Variants in PCDHA5 observed in about 807,000 individuals in gnomAD.
PCDHA5 encodes protocadherin alpha-5.
A neutral mutation model predicts 61.6 loss-of-function variants in PCDHA5; 43 were observed. The observed-to-expected ratio is 0.70, with a 90% CI of 0.55 to 0.90. The LOEUF (loss-of-function observed/expected upper bound fraction) is 0.90. Ranked by LOEUF, PCDHA5 falls within the 40% of genes least tolerant of loss-of-function variation. PCDHA5 has a pLI of 0.00. For missense variants in PCDHA5, 1,298 were observed against 1,222.7 expected, an observed-to-expected ratio of 1.06 and a Z score of -0.92; for synonymous variants, 627 against 543.9, an observed-to-expected ratio of 1.15 and a Z score of -2.13.
rs75040653 is a variant in PCDHA5 at position 140,982,339 on chromosome 5, T to G, written c.2412-136T>G. ...TGCAGGGTGACTGCTCAGCAGTAAT[T>G]GCTTCAGTTCAAGCATGAGCAGAAT... On this transcript the variant is annotated intron_variant, in intron 2 of 3. Transcript: ENST00000529859. The G allele has an allele frequency of 3.1e-3, 4,547 of 1,456,350 alleles. 58 individuals carry two copies. The East Asian group carries it at 0.042, about 14-fold the overall frequency. The allele number at this position is 1,456,350 out of a possible 1,614,324, so 90.2% of individuals were successfully genotyped here.
At chr5:140,979,109 G>A (rs979649515) in intron 2 of PCDHA5, 102 bp downstream of exon 2, 1 of 1,524,682 alleles carries the variant, frequency 6.6e-7, no homozygotes, top group Admixed American at 2.3e-5. Context: ...AAACTAAAAA[G>A]CTTTAGGTAC....
At chr5:140,829,598 G>C (rs782543757) in intron 1 of PCDHA5, 5 of 1,611,978 alleles carry the variant, frequency 3.1e-6, no homozygotes, top group Non-Finnish European at 4.2e-6. Context: ...GGGCGAGCGC[G>C]CGTTGTCGAG....
intron 1 of PCDHA5, among the ~76,000 whole-genome samples, chr5:140,918,094 T>C (rs1001602407): frequency 1.3e-5 from 2 of 152,188 alleles, no homozygotes; most frequent in East Asian, 1.9e-4. Context: ...ATTCTTTTTA[T>C]AGAGATCTTT....
At chr5:140,967,362 C>A (rs1385889243) in intron 1 of PCDHA5, 2 of 1,607,452 alleles carry the variant, frequency 1.2e-6, no homozygotes, top group East Asian at 2.2e-5. Flanking sequence ...GACCTTAAGC[C>A]CCTGCAGGAG....
chr5:140,835,773 G>T (rs2150244448), intron 1 of PCDHA5: 8 of 1,613,392 alleles, frequency 5.0e-6, no homozygotes, highest in Non-Finnish European at 6.8e-6. Context: ...TACGGTGTTC[G>T]TGAAGGAGAA....
chr5:140,841,134 G>T, intron 1 of PCDHA5: 1 of 689,850 alleles, frequency 1.4e-6, no homozygotes. Flanking sequence ...ACCTTTTGAA[G>T]CCACATGATG....
At chr5:140,877,317 G>A (rs535177109) in intron 1 of PCDHA5, 1 of 1,613,886 alleles carries the variant, frequency 6.2e-7, no homozygotes. Context: ...AACCGGCGGC[G>A]GTCGGCGCGC....
intron 3 of PCDHA5, among the ~76,000 whole-genome samples, chr5:140,991,146 G>A (rs2097434554): frequency 6.6e-6 from 1 of 151,978 alleles, no homozygotes; most frequent in African/African-American, 2.4e-5. Context: ...AATGTTTTTT[G>A]CTCACCATTG....
intron 1 of PCDHA5, chr5:140,928,062 C>G: frequency 6.2e-7 from 1 of 1,614,194 alleles, no homozygotes; most frequent in Non-Finnish European, 8.5e-7. Context: ...TGACGGCTTC[C>G]TTTGACAACT....
At chr5:140,890,688 T>C (rs570229410) in intron 1 of PCDHA5, among the ~76,000 whole-genome samples, 4 of 152,334 alleles carry the variant, frequency 2.6e-5, no homozygotes, top group Admixed American at 2.6e-4. Flanking sequence ...TTCTGGGAAA[T>C]GCAGGGACCT....
chr5:140,906,303 A>G (rs1195275228), intron 1 of PCDHA5, among the ~76,000 whole-genome samples: 5 of 152,220 alleles, frequency 3.3e-5, no homozygotes, highest in Non-Finnish European at 7.3e-5. Flanking sequence ...ATAAGGTCAT[A>G]ATTATTCCCA....
chr5:140,860,479 C>T (rs1348082358), intron 1 of PCDHA5: 1 of 152,030 alleles, frequency 6.6e-6, no homozygotes, highest in Non-Finnish European at 1.5e-5. Context: ...TGCAGTAGTA[C>T]TTTATTTAGG....
intron 1 of PCDHA5, among the ~76,000 whole-genome samples, chr5:140,827,481 A>G (rs2150147833): frequency 1.8e-4 from 28 of 152,370 alleles, no homozygotes; most frequent in African/African-American, 6.5e-4. Flanking sequence ...TTGAACAAAG[A>G]AAGCATGGAC....
At chr5:140,996,755 C>T (rs1335663800) in intron 3 of PCDHA5, among the ~76,000 whole-genome samples, 2 of 152,142 alleles carry the variant, frequency 1.3e-5, no homozygotes, top group Non-Finnish European at 2.9e-5. Context: ...TATATCTGTG[C>T]AGGACTAAAA....
intron 1 of PCDHA5, among the ~76,000 whole-genome samples, chr5:140,924,224 T>A (rs1266072324): frequency 6.6e-6 from 1 of 152,220 alleles, no homozygotes; most frequent in Non-Finnish European, 1.5e-5. Context: ...TAAGTTCAAT[T>A]TTTATGGGCT....
intron 1 of PCDHA5, chr5:140,884,170 G>A (rs1333457358): frequency 1.4e-5 from 23 of 1,613,294 alleles, no homozygotes; most frequent in Non-Finnish European, 1.9e-5. Flanking sequence ...TCAGCACGAC[G>A]CGCCCTCTGG....
chr5:140,961,385 T>G (rs1480607533), intron 1 of PCDHA5, among the ~76,000 whole-genome samples: 3 of 152,204 alleles, frequency 2.0e-5, no homozygotes, highest in Non-Finnish European at 4.4e-5. Flanking sequence ...GTTTGAACTA[T>G]TCCATTAGTA....
rs185481644 is a variant in PCDHA5, at chr5:140,906,049, T to C, written c.2353-72900T>C. 1.7e-3 allele frequency among the ~76,000 whole-genome samples: 263 copies of C among 152,304 alleles called. 2 individuals are homozygous for C. Among genetic ancestry groups the C allele is most frequent in the African/African-American group, 5.9e-3 (247 of 41,562 alleles). ...TTCTTCTGTCTGCTTTTATTCTGGC[T>C]GCACTGGCAGCTGATTAGATCGCAC... On this transcript the variant is annotated intron_variant, in intron 1 of 3. Transcript: ENST00000529859.
chr5:140,859,790 A>C (rs1023981970), intron 1 of PCDHA5: 1 of 152,502 alleles, frequency 6.6e-6, no homozygotes, highest in Non-Finnish European at 1.5e-5. Context: ...AGCTCTTAGA[A>C]ATTATAGATG....
Sources: gnomAD v4.1 joint callset for allele counts (sites outside exome capture counted in the v4.1 genomes callset) on GRCh38, gnomAD v4.1.1 for gene constraint, MANE v1.5 for transcripts, NCBI Gene and HGNC (gene_info 2026-07-23, HGNC 2026-07-21) for gene names.